Variants in LITAF observed in about 807,000 individuals in gnomAD.
The protein encoded by LITAF is lipopolysaccharide-induced tumor necrosis factor-alpha factor.
LITAF carries 9 observed loss-of-function variants against 14.5 expected under a neutral mutation model. The ratio of observed to expected loss-of-function variants is 0.62; its 90% confidence interval spans 0.37 to 1.08. The LOEUF (loss-of-function observed/expected upper bound fraction) is 1.08. Ranked by LOEUF, LITAF falls within the 50% of genes least tolerant of loss-of-function variation. The pLI is 0.01. For synonymous variants in LITAF, 98 were observed against 88.2 expected, an observed-to-expected ratio of 1.11 and a Z score of -0.62; for missense variants, 206 against 213.4, an observed-to-expected ratio of 0.97 and a Z score of 0.22.
At chr16:11,550,684 T>TG (rs1222592099) in intron 3 of LITAF, among the ~76,000 whole-genome samples, 1 of 152,118 alleles carries the variant, frequency 6.6e-6, no homozygotes, top group Non-Finnish European at 1.5e-5. Flanking sequence ...TTTGTAGAGA[T>TG]GGGGTCTTGC....
intron 2 of LITAF, chr16:11,556,136 C>A (rs899887862): frequency 1.0e-5 from 4 of 381,314 alleles, no homozygotes; most frequent in African/African-American, 6.1e-5. Flanking sequence ...GGTTTCTTCT[C>A]CTCCCTATTC....
intron 3 of LITAF, among the ~76,000 whole-genome samples, chr16:11,625,985 A>G (rs967252975): frequency 2.0e-5 from 3 of 152,160 alleles, no homozygotes; most frequent in Non-Finnish European, 4.4e-5. Flanking sequence ...ACACAGCTGA[A>G]CAGTGGCAGA....
At chr16:11,618,988 A>C (rs546377104) in intron 3 of LITAF, among the ~76,000 whole-genome samples, 67 of 128,646 alleles carry the variant, frequency 5.2e-4, no homozygotes, top group Middle Eastern at 3.8e-3. Flanking sequence ...GTCTTAAAAA[A>C]AAAACAAAAC....
chr16:11,600,845 C>T (rs2064922192), upstream of LITAF, among the ~76,000 whole-genome samples: 2 of 152,134 alleles, frequency 1.3e-5, no homozygotes, highest in Admixed American at 6.6e-5. This position sits in a 1 kb window ranked among gnomAD's most constrained non-coding sequence, Gnocchi z 4.1. Flanking sequence ...CTTCCCCACC[C>T]TCCTCCTCCA....
At position 11,632,094 on chromosome 16, in the gene LITAF, C is replaced by T. The variant is rs1189337645; in HGVS notation, c.85+1439G>A. The stretch of plus-strand genomic sequence containing the variant: ...GTGTTAACCAGGATGGTCTTGATCT[C>T]CTGACCTCGTGATCCACCCGCCTCG... On this transcript the variant is annotated intron_variant, in intron 3 of 3. Transcript: ENST00000574848. The surrounding 1 kb of genome is among the most constrained non-coding windows in gnomAD (Gnocchi z 4.8). 6.6e-6 allele frequency among the ~76,000 whole-genome samples: 1 copy of T among 151,132 alleles called. No homozygotes were observed. Among genetic ancestry groups the T allele is most frequent in the Non-Finnish European group, 1.5e-5 (1 of 67,730 alleles).
In LITAF at chr16:11,609,163, G is replaced by A. The variant is rs372144815; in HGVS notation, c.85+24370C>T. ...GAAAAATGTTCTGAAACTGACAGTG[G>A]TGACAGTTGCACAATTCTATAAACT... On this transcript the variant is annotated intron_variant, in intron 3 of 3. Transcript: ENST00000574848. Among the ~76,000 whole-genome samples, 17 of 152,072 alleles carry A rather than the reference G, an allele frequency of 1.1e-4. No individual in the cohort carries two copies. In the East Asian group the frequency reaches 2.7e-3, roughly 24 times the overall value.
intron 1 of LITAF, among the ~76,000 whole-genome samples, chr16:11,570,698 G>A (rs959560482): frequency 1.3e-5 from 2 of 152,162 alleles, no homozygotes; most frequent in African/African-American, 2.4e-5. Context: ...TAAGAGAAAG[G>A]TAGAGGAGTT....
Position 11,579,919 on chromosome 16 carries a change from A to T in LITAF, c.-6+6967T>A, listed in dbSNP as rs961480284. Among the ~76,000 whole-genome samples, 4 of 152,186 alleles carry T rather than the reference A, an allele frequency of 2.6e-5. No individual in the cohort carries two copies. The East Asian group carries it at 7.7e-4, about 29-fold the overall frequency. On this transcript the variant is annotated intron_variant, in intron 1 of 3. Transcript: ENST00000622633. ...GGATCTATTTCTTTGGCATATATTGAGCTGATTATTCTGAGAAACTGCAGA... is the reference window on the plus strand; with the variant it reads ...GGATCTATTTCTTTGGCATATATTGTGCTGATTATTCTGAGAAACTGCAGA...
chr16:11,575,059 T>C (rs981632062), intron 1 of LITAF, among the ~76,000 whole-genome samples: 1 of 152,152 alleles, frequency 6.6e-6, no homozygotes, highest in Non-Finnish European at 1.5e-5. Flanking sequence ...CACCTCGGCC[T>C]CCCAAAGTGC....
chr16:11,595,714 G>T (rs969703960), intron 1 of LITAF, among the ~76,000 whole-genome samples: 1 of 152,156 alleles, frequency 6.6e-6, no homozygotes, highest in Non-Finnish European at 1.5e-5. Flanking sequence ...GGGCGACAGA[G>T]TGAGACTCCG....
chr16:11,570,957 G>C (rs1334482421), intron 1 of LITAF, among the ~76,000 whole-genome samples: 2 of 151,942 alleles, frequency 1.3e-5, no homozygotes, highest in Non-Finnish European at 2.9e-5. Context: ...GCTTTGAAGG[G>C]GGAGGAAGGA....
chr16:11,587,513 G>A, upstream of LITAF: 1 of 452,072 alleles, frequency 2.2e-6, no homozygotes, highest in Non-Finnish European at 4.4e-6. Flanking sequence ...TAGCGGTCCT[G>A]TCTCCTAAGA....
At chr16:11,583,161 T>C (rs1162745549) in intron 1 of LITAF, among the ~76,000 whole-genome samples, 1 of 152,172 alleles carries the variant, frequency 6.6e-6, no homozygotes, top group Non-Finnish European at 1.5e-5. Context: ...CAGAGTGAAA[T>C]ATTTCAGAGA....
upstream of LITAF, among the ~76,000 whole-genome samples, chr16:11,601,793 C>G (rs978851325): frequency 6.6e-6 from 1 of 152,128 alleles, no homozygotes; most frequent in Non-Finnish European, 1.5e-5. Flanking sequence ...TTCCTGGGCT[C>G]AAGTAATCCG....
At chr16:11,622,205 C>T (rs1393780502) in intron 3 of LITAF, among the ~76,000 whole-genome samples, 1 of 152,200 alleles carries the variant, frequency 6.6e-6, no homozygotes, top group East Asian at 1.9e-4. Context: ...GGCGGCATGG[C>T]TTGCTCATGA....
intron 3 of LITAF, among the ~76,000 whole-genome samples, chr16:11,613,701 G>A (rs1306061346): frequency 6.6e-6 from 1 of 152,188 alleles, no homozygotes; most frequent in African/African-American, 2.4e-5. Flanking sequence ...TCCTTACAGG[G>A]AGCACAGCCG....
intron 1 of LITAF, among the ~76,000 whole-genome samples, chr16:11,571,020 A>G (rs1186288207): frequency 6.6e-6 from 1 of 152,108 alleles, no homozygotes; most frequent in African/African-American, 2.4e-5. Flanking sequence ...AGGCAAGACC[A>G]TGGATTTTCC....
intron 1 of LITAF, among the ~76,000 whole-genome samples, chr16:11,585,957 T>C (rs1236950611): frequency 3.3e-5 from 5 of 152,186 alleles, no homozygotes; most frequent in African/African-American, 1.2e-4. Context: ...TGACTGGCCC[T>C]TCCAGAACAT....
At chr16:11,638,078 CTA>C (rs1567271126), upstream of LITAF, among the ~76,000 whole-genome samples, 2 of 71,224 alleles carry the variant, frequency 2.8e-5, no homozygotes, top group African/African-American at 1.0e-4. Context: ...ATATATATAT[CTA>C]TATCTATCTA....
Sources: allele counts gnomAD v4.1 joint callset (sites outside exome capture counted in the v4.1 genomes callset), GRCh38; gene constraint gnomAD v4.1.1; non-coding constraint Gnocchi (gnomAD v3.1); transcripts MANE v1.5; gene names NCBI Gene and HGNC (gene_info 2026-07-23, HGNC 2026-07-21).